The following BTBD7 variants were observed in gnomAD, a reference collection of about 807,000 sequenced individuals.
The protein encoded by BTBD7 is BTB/POZ domain-containing protein 7.
In BTBD7, 38 loss-of-function variants were observed where a neutral mutation model predicts 99.9. The ratio of observed to expected loss-of-function variants is 0.38; its 90% CI spans 0.29 to 0.50. The LOEUF is 0.50. Among genes scored for constraint, BTBD7 ranks in the 20% least tolerant of loss-of-function variants. BTBD7 has a pLI of 0.93. For synonymous variants in BTBD7, 520 were observed against 511.4 expected (o/e 1.02, Z -0.23); for missense variants, 1,170 against 1,394.6 (o/e 0.84, Z 2.57).
intron 4 of BTBD7, among the ~76,000 whole-genome samples, chr14:93,262,133 ATT>A (rs747240844): frequency 9.6e-4 from 135 of 140,644 alleles, no homozygotes; most frequent in African/African-American, 2.7e-3. Flanking sequence ...CACCCAGCTA[ATT>A]TTTTTTTTTT....
At chr14:93,297,630 C>T (rs1361531937) in intron 1 of BTBD7, among the ~76,000 whole-genome samples, 1 of 152,160 alleles carries the variant, frequency 6.6e-6, no homozygotes, top group Non-Finnish European at 1.5e-5. Flanking sequence ...ACTTAAAAAC[C>T]AGTTAAGTCT....
chr14:93,319,656 A>C (rs1411557786), intron 1 of BTBD7, among the ~76,000 whole-genome samples: 1 of 152,172 alleles, frequency 6.6e-6, no homozygotes, highest in African/African-American at 2.4e-5. Context: ...GGCTGGGGGG[A>C]AATGCAGACT....
At chr14:93,253,868 C>A in intron 6 of BTBD7, 78 bp from the exon 7 acceptor site, 4 of 618,702 alleles carry the variant, frequency 6.5e-6, no homozygotes, top group South Asian at 1.2e-4. Context: ...ATATTTATAA[C>A]TATAAATAAA....
intron 1 of BTBD7, among the ~76,000 whole-genome samples, chr14:93,314,796 T>G (rs569655908): frequency 6.6e-6 from 1 of 152,334 alleles, no homozygotes; most frequent in South Asian, 2.1e-4. Flanking sequence ...TGCTGGACAT[T>G]ATTCATCTTT....
chr14:93,318,724 GA>G (rs2053236554), intron 1 of BTBD7, among the ~76,000 whole-genome samples: 1 of 152,190 alleles, frequency 6.6e-6, no homozygotes, highest in African/African-American at 2.4e-5. Context: ...ATCAAACTGA[GA>G]AATCATCCCT....
chr14:93,258,005 T>A (rs1428977079), intron 5 of BTBD7, among the ~76,000 whole-genome samples: 2 of 152,150 alleles, frequency 1.3e-5, no homozygotes, highest in Non-Finnish European at 2.9e-5. Context: ...TGAACAACAA[T>A]CTGAAATACA....
intron 1 of BTBD7, among the ~76,000 whole-genome samples, chr14:93,322,386 T>C (rs1339013168): frequency 1.3e-5 from 2 of 152,186 alleles, no homozygotes; most frequent in African/African-American, 2.4e-5. Context: ...CCTAAAGTGT[T>C]GGGATTATAG....
At chr14:93,281,419 G>A (rs1193083698) in intron 3 of BTBD7, among the ~76,000 whole-genome samples, 1 of 152,144 alleles carries the variant, frequency 6.6e-6, no homozygotes, top group Non-Finnish European at 1.5e-5. Context: ...TTACAGGCAT[G>A]AGCCGCCTCA....
At chr14:93,246,326 G>A (rs1425103682) in intron 9 of BTBD7, 40 bp from the exon 10 acceptor site, 1 of 1,474,602 alleles carries the variant, frequency 6.8e-7, no homozygotes, top group Non-Finnish European at 9.0e-7. Flanking sequence ...ACATTTATTA[G>A]CAGATTTCAT....
At position 93,270,498 on chromosome 14, in the gene BTBD7, G is replaced by A. The variant is rs1259052607; in HGVS notation, c.1163-6505C>T. Among the ~76,000 whole-genome samples, 3 of 152,036 alleles carry A rather than the reference G, an allele frequency of 2.0e-5. No individual in the cohort carries two copies. In the East Asian group the frequency reaches 5.9e-4, roughly 30 times the overall value. On this transcript the variant is annotated intron_variant, in intron 3 of 10. Transcript: ENST00000334746. ...ACCCGAGGTCAGGAGTTCGAGACAA[G>A]CCTAGCCAACATGGCGAAACCCAGT...
At chr14:93,262,685 T>A (rs2052502370) in intron 4 of BTBD7, among the ~76,000 whole-genome samples, 1 of 152,146 alleles carries the variant, frequency 6.6e-6, no homozygotes, top group Non-Finnish European at 1.5e-5. Context: ...TACAAGGTAT[T>A]CTACTGGTTA....
intron 1 of BTBD7, among the ~76,000 whole-genome samples, chr14:93,326,196 G>A (rs888805963): frequency 3.3e-5 from 5 of 152,332 alleles, no homozygotes; most frequent in South Asian, 4.1e-4. Context: ...GCTGGGCATG[G>A]TGGCTCACAC....
At chr14:93,253,496 C>A (rs1238103948) in intron 7 of BTBD7, 151 bp downstream of exon 7, 6 of 584,990 alleles carry the variant, frequency 1.0e-5, no homozygotes, top group Admixed American at 7.8e-5. Context: ...GAAAACTATT[C>A]TGTTGAGTAG....
At chr14:93,291,567 A>G (rs900336255) in intron 3 of BTBD7, among the ~76,000 whole-genome samples, 1 of 152,148 alleles carries the variant, frequency 6.6e-6, no homozygotes, top group Admixed American at 6.5e-5. Flanking sequence ...GGTATGGGGG[A>G]AAGATATGCC....
intron 7 of BTBD7, among the ~76,000 whole-genome samples, chr14:93,253,101 C>T (rs1431173291): frequency 2.0e-5 from 3 of 152,158 alleles, no homozygotes; most frequent in Non-Finnish European, 2.9e-5. Flanking sequence ...TTCATTTTCA[C>T]ATTACCGTAT....
At chr14:93,292,845 T>C (rs1288410047) in intron 3 of BTBD7, among the ~76,000 whole-genome samples, 1 of 152,200 alleles carries the variant, frequency 6.6e-6, no homozygotes, top group Non-Finnish European at 1.5e-5. Flanking sequence ...TAACTGGGGC[T>C]ATTTTTCAAT....
chr14:93,288,292 G>C, intron 3 of BTBD7: 1 of 569,554 alleles, frequency 1.8e-6, no homozygotes, highest in Non-Finnish European at 3.1e-6. Flanking sequence ...TTAGATGTTA[G>C]ACCCTGGATG....
chr14:93,290,730 G>A (rs1357738553), intron 3 of BTBD7, among the ~76,000 whole-genome samples: 2 of 151,028 alleles, frequency 1.3e-5, no homozygotes, highest in Admixed American at 6.6e-5. Context: ...TCACTCTGTC[G>A]CCCAGGCTGG....
intron 5 of BTBD7, among the ~76,000 whole-genome samples, chr14:93,259,749 C>G (rs940947565): frequency 6.6e-6 from 1 of 152,176 alleles, no homozygotes; most frequent in African/African-American, 2.4e-5. Flanking sequence ...GCCTGGCTAA[C>G]ATGGCGAAAC....
Sources: allele counts gnomAD v4.1 joint callset (sites outside exome capture counted in the v4.1 genomes callset), GRCh38; gene constraint gnomAD v4.1.1; transcripts MANE v1.5; gene names NCBI Gene and HGNC (gene_info 2026-07-23, HGNC 2026-07-21).